The following SPEN variants were observed in gnomAD, a reference collection of about 807,000 sequenced individuals.
SPEN encodes the protein msx2-interacting protein.
In SPEN, 18 loss-of-function variants were observed where a neutral mutation model predicts 269.9. The ratio of observed to expected loss-of-function variants is 0.07; its 90% CI spans 0.05 to 0.10. The LOEUF (loss-of-function observed/expected upper bound fraction) is 0.10. Among genes scored for constraint, SPEN ranks in the 10% least tolerant of loss-of-function variants. The pLI is 1.00. For synonymous variants in SPEN, 1,726 were observed against 1,765.7 expected (o/e 0.98, Z 0.56); for missense variants, 3,822 against 4,631.2 (o/e 0.83, Z 5.07).
chr1:15,900,020 A>G (rs897273509), intron 3 of SPEN, among the ~76,000 whole-genome samples: 2 of 151,522 alleles, frequency 1.3e-5, no homozygotes, highest in Admixed American at 1.3e-4. Context: ...TAATTTTTGT[A>G]TTGTTAGTAG....
At chr1:15,860,563 A>G (rs1159101095) in intron 1 of SPEN, among the ~76,000 whole-genome samples, 1 of 150,012 alleles carries the variant, frequency 6.7e-6, no homozygotes, top group Non-Finnish European at 1.5e-5. Context: ...AAGTGCTGGG[A>G]TTACAGGTGT....
rs1023242507 is a variant in SPEN at position 15,938,005 on chromosome 1, C to T, written c.10703C>T (p.Thr3568Met). Reference sequence around the variant, plus strand: ...CTGGAAGGGGTTGCCCGAAGGATGACGGTAAGACTCTCAGGCCCAGGTGAG... The same window carrying T: ...CTGGAAGGGGTTGCCCGAAGGATGATGGTAAGACTCTCAGGCCCAGGTGAG... The part of the protein sequence containing the change: ...TQLEGVARRM[T>M]VETDYCLLLA... The change falls in exon 13 of 15, where the codon ACG (threonine) becomes ATG (methionine). Residue 3568 changes from threonine to methionine, a missense_variant and splice_region_variant. Transcript: ENST00000375759. 32 of 1,600,034 alleles carry T rather than the reference C, an allele frequency of 2.0e-5. No homozygotes were observed. Among genetic ancestry groups the T allele is most frequent in the Admixed American group, 1.8e-4 (10 of 56,482 alleles).
Position 15,931,582 on chromosome 1 carries a change from C to G in SPEN, c.5342C>G (p.Ala1781Gly), listed in dbSNP as rs758763601. The change falls in exon 11 of 15, where the codon GCA (alanine) becomes GGA (glycine). Residue 1781 changes from alanine (A) to glycine (G), a missense_variant. Physicochemically the swap from Ala to Gly is moderately conservative, Grantham distance 60. Around this residue, in one of 16 missense-constraint regions of SPEN, gnomAD observed 533 missense variants for 618.8 expected, o/e 0.86. Coordinates refer to ENST00000375759, the MANE Select transcript of SPEN (RefSeq NM_015001.3). The surrounding 1 kb of genome is among the most constrained non-coding windows in gnomAD (Gnocchi z 4.8). The part of the protein sequence containing the change: ...EPKAEKPDAT[A>G]DAEPDANQKA... ...AAGGCCGAAAAGCCAGACGCCACTG[C>G]AGATGCTGAGCCTGATGCAAACCAG... The G allele has an allele frequency of 6.2e-7, 1 of 1,614,180 alleles. No homozygotes were observed. The highest frequency in any genetic ancestry group is 1.1e-5 in the South Asian group (1 of 91,076).
rs2148712232 is a variant in SPEN at position 15,876,621 on chromosome 1, G to C, written c.824G>C (p.Arg275Thr). Residue 275 changes from arginine (R) to threonine (T), a missense_variant, in exon 3 of 15, where the codon AGA (arginine) becomes ACA (threonine). Physicochemically the swap from Arg to Thr is moderately conservative, Grantham distance 71. This residue lies in a region of SPEN where 327 missense variants were observed against 350.8 expected (regional missense o/e 0.93). Coordinates refer to ENST00000375759, the MANE Select transcript of SPEN (RefSeq NM_015001.3). Reference protein sequence around the residue: ...PTRSPSGSGSRSRSSSSDSIS... With the variant: ...PTRSPSGSGSTSRSSSSDSIS... Reference sequence around the variant, plus strand: ...AGGTCCCCTAGCGGCAGCGGCTCTAGAAGTAGATCCTCCAGTAGTGATTCA... The same window carrying C: ...AGGTCCCCTAGCGGCAGCGGCTCTACAAGTAGATCCTCCAGTAGTGATTCA... 1 of 1,613,910 alleles carries C rather than the reference G, an allele frequency of 6.2e-7. No homozygotes were observed. The highest frequency in any genetic ancestry group is 2.2e-5 in the East Asian group (1 of 44,876).
In SPEN at chr1:15,929,435, C is replaced by T. The variant is rs769315069; in HGVS notation, c.3195C>T (p.Asp1065=). Residue 1065 remains aspartate (D), a synonymous_variant, in exon 11 of 15, where the codon GAC becomes GAT. Transcript: ENST00000375759. The surrounding 1 kb of genome is among the most constrained non-coding windows in gnomAD (Gnocchi z 5.8). The part of the protein sequence containing the change: ...DRLNTVASPK[D]CQELASISVG... Reference sequence around the variant, plus strand: ...TTAATACTGTTGCCAGCCCCAAAGACTGTCAGGAGCTTGCCAGTATTTCTG... The same window carrying T: ...TTAATACTGTTGCCAGCCCCAAAGATTGTCAGGAGCTTGCCAGTATTTCTG... 2 of 1,613,662 alleles carry T rather than the reference C, an allele frequency of 1.2e-6. No homozygotes were observed. Among genetic ancestry groups the T allele is most frequent in the South Asian group, 2.2e-5 (2 of 91,022 alleles).
Position 15,935,727 on chromosome 1 carries a change from C to G in SPEN, c.9487C>G (p.His3163Asp). 1.2e-6 allele frequency: 2 copies of G among 1,613,348 alleles called. No homozygotes were observed. The highest frequency in any genetic ancestry group is 2.2e-5 in the South Asian group (2 of 91,062). The change falls in exon 11 of 15, where the codon CAC becomes GAC. Residue 3163 changes from histidine (H) to aspartate (D), a missense_variant. By Grantham distance (81) the His-to-Asp change is moderately conservative. Around this residue, in one of 16 missense-constraint regions of SPEN, gnomAD observed 153 missense variants for 228.5 expected, o/e 0.67. Transcript: ENST00000375759. This position sits in a 1 kb window ranked among gnomAD's most constrained non-coding sequence, Gnocchi z 7.7. ...CCCTCCCGAGGAGGAAGTGCATTAT[C>G]ACCTTCCTGTCGCTCGAGCCACAGC... The part of the protein sequence containing the change: ...QHPPEEEVHY[H>D]LPVARATAPV...
At chr1:15,889,775 G>A (rs1245282545) in intron 3 of SPEN, among the ~76,000 whole-genome samples, 1 of 151,822 alleles carries the variant, frequency 6.6e-6, no homozygotes, top group Non-Finnish European at 1.5e-5. Context: ...GAGCAATGGC[G>A]CCATCTTGGC....
intron 3 of SPEN, among the ~76,000 whole-genome samples, chr1:15,884,660 T>G (rs1255005633): frequency 6.6e-6 from 1 of 152,186 alleles, no homozygotes; most frequent in African/African-American, 2.4e-5. Context: ...CTGCCAGACA[T>G]AGCAGCAGTT....
At chr1:15,851,082 AG>A (rs1193787785) in intron 1 of SPEN, among the ~76,000 whole-genome samples, 1 of 151,988 alleles carries the variant, frequency 6.6e-6, no homozygotes, top group South Asian at 2.1e-4. Flanking sequence ...ACATTTTAAC[AG>A]AAAAAAGAGG....
rs2071290838 is a variant in SPEN, at chr1:15,937,736, T to C, written c.10510-76T>C. 4 of 1,607,224 alleles carry C rather than the reference T, an allele frequency of 2.5e-6. No individual in the cohort carries two copies. In the South Asian group the frequency reaches 4.4e-5, roughly 18 times the overall value. On this transcript the variant is annotated intron_variant, in intron 12 of 14. Coordinates refer to ENST00000375759, the MANE Select transcript of SPEN (RefSeq NM_015001.3). This position sits in a 1 kb window ranked among gnomAD's most constrained non-coding sequence, Gnocchi z 5.7. ...TTCCCTAGTTAACAGACCCACAAGC[T>C]ACAGCCTCTGGCTGTGTCCAGCATG...
At chr1:15,871,204 A>G (rs1260794774) in intron 1 of SPEN, among the ~76,000 whole-genome samples, 1 of 152,068 alleles carries the variant, frequency 6.6e-6, no homozygotes, top group Non-Finnish European at 1.5e-5. Flanking sequence ...TCCTGACCTC[A>G]TGGTCTGCCT....
rs761074906 is a variant in SPEN at position 15,935,985 on chromosome 1, C to T, written c.9745C>T (p.Pro3249Ser). 1 of 1,590,528 alleles carries T rather than the reference C, an allele frequency of 6.3e-7. No individual in the cohort carries two copies. Among genetic ancestry groups the T allele is most frequent in the South Asian group, 1.1e-5 (1 of 88,006 alleles). The change falls in exon 11 of 15, where the codon CCC (proline) becomes TCC (serine). Residue 3249 changes from proline (P) to serine (S), a missense_variant. Around this residue, in one of 16 missense-constraint regions of SPEN, gnomAD observed 359 missense variants for 377.3 expected, o/e 0.95. Coordinates refer to ENST00000375759, the MANE Select transcript of SPEN (RefSeq NM_015001.3). This position sits in a 1 kb window ranked among gnomAD's most constrained non-coding sequence, Gnocchi z 7.7. ...AGCTGCCCCCACCCCCACCCCTGCC[C>T]CCGTCCCTGTCCCTGTCCCCCTTCC... ...AKAAPTPTPA[P>S]VPVPVPLPAP...
Position 15,930,371 on chromosome 1 carries a change from G to A in SPEN, c.4131G>A (p.Glu1377=), listed in dbSNP as rs2071209380. 1 of 1,613,250 alleles carries A rather than the reference G, an allele frequency of 6.2e-7. No individual in the cohort carries two copies. The highest frequency in any genetic ancestry group is 1.7e-5 in the Admixed American group (1 of 59,990). Residue 1377 remains glutamate, a synonymous_variant, in exon 11 of 15, where the codon GAG becomes GAA. Transcript: ENST00000375759. This position sits in a 1 kb window ranked among gnomAD's most constrained non-coding sequence, Gnocchi z 5.3. ...CTGTACGAGATCTGGAACCTGGTGA[G>A]GTGCCTTCTGATTCTGACGAAGATG... ...KRSVRDLEPG[E]VPSDSDEDGE...
At chr1:15,882,467 C>T (rs1464131401) in intron 3 of SPEN, among the ~76,000 whole-genome samples, 4 of 152,052 alleles carry the variant, frequency 2.6e-5, no homozygotes, top group Non-Finnish European at 1.5e-5. Flanking sequence ...CAAGATCAGC[C>T]TGGCCAAGAT....
At position 15,932,988 on chromosome 1, in the gene SPEN, C is replaced by G. The variant is rs771038320; in HGVS notation, c.6748C>G (p.Pro2250Ala). 1.9e-6 allele frequency: 3 copies of G among 1,614,082 alleles called. No individual in the cohort carries two copies. The highest frequency in any genetic ancestry group is 2.5e-6 in the Non-Finnish European group (3 of 1,180,032). ...AGAATCCCAGACAGATCTGCAACCC[C>G]CCGCAGGTGCACAGGCGCTGCAGCC... is the stretch of plus-strand genomic sequence containing the variant. ...PGESQTDLQPPAGAQALQPSE... is the reference protein window; with the variant it reads ...PGESQTDLQPAAGAQALQPSE... The change falls in exon 11 of 15, where the codon CCC becomes GCC. Residue 2250 changes from proline (P) to alanine (A), a missense_variant. This residue lies in a region of SPEN where 727 missense variants were observed against 737.9 expected (regional missense o/e 0.99). Transcript: ENST00000375759. This position sits in a 1 kb window ranked among gnomAD's most constrained non-coding sequence, Gnocchi z 4.2.
intron 1 of SPEN, among the ~76,000 whole-genome samples, chr1:15,856,235 C>T (rs1045609745): frequency 6.6e-6 from 1 of 151,848 alleles, no homozygotes; most frequent in African/African-American, 2.4e-5. Context: ...CAGGATCCGC[C>T]CGCCTCGGCC....
At position 15,856,757 on chromosome 1, in the gene SPEN, G is replaced by A. The variant is rs367646372; in HGVS notation, c.83+8607G>A. Among the ~76,000 whole-genome samples, 4 of 151,470 alleles carry A rather than the reference G, an allele frequency of 2.6e-5. No individual in the cohort carries two copies. In the East Asian group the frequency reaches 5.9e-4, roughly 22 times the overall value. On this transcript the variant is annotated intron_variant, in intron 1 of 14. Transcript: ENST00000375759. ...TAATTTTTGTGTTTTTAATAGAGAC[G>A]GGGTTTCACCATGTTGGCTAGGCTG...
Position 15,848,065 on chromosome 1 carries a change from A to G in SPEN, c.-3A>G, listed in dbSNP as rs763153484. The G allele has an allele frequency of 8.9e-5, 129 of 1,449,254 alleles. No homozygotes were observed. Among genetic ancestry groups the G allele is most frequent in the Non-Finnish European group, 1.1e-4 (120 of 1,087,126 alleles). 89.8% of individuals were successfully genotyped at this position (1,449,254 alleles called of 1,614,324 possible). ...AGCGGCGGTCGCCGGCACGCCGCCC[A>G]GCATGGTCCGGGAAACCAGGCATCT... is the stretch of plus-strand genomic sequence containing the variant. On this transcript the variant is annotated 5_prime_UTR_variant, in exon 1 of 15. Coordinates refer to ENST00000375759, the MANE Select transcript of SPEN (RefSeq NM_015001.3). This position sits in a 1 kb window ranked among gnomAD's most constrained non-coding sequence, Gnocchi z 5.1.
Position 15,847,936 on chromosome 1 carries a change from C to A in SPEN, c.-132C>A. On this transcript the variant is annotated 5_prime_UTR_variant, in exon 1 of 15. Transcript: ENST00000375759. ...CTGCACGGGGGGGAGCCGGAGGAGC[C>A]GCCGCCGCTGCCGACGCCACCGCCG... The A allele has an allele frequency of 1.8e-5, 7 of 385,896 alleles. No individual in the cohort carries two copies. The highest frequency in any genetic ancestry group is 2.6e-5 in the Non-Finnish European group (6 of 227,760). The allele number at this position is 385,896 out of a possible 1,614,324, so 23.9% of individuals were successfully genotyped here.
Sources: allele counts gnomAD v4.1 joint callset (sites outside exome capture counted in the v4.1 genomes callset), GRCh38; gene constraint gnomAD v4.1.1; regional missense constraint gnomAD v4.1.1; non-coding constraint Gnocchi (gnomAD v3.1); transcripts MANE v1.5; gene names NCBI Gene and HGNC (gene_info 2026-07-23, HGNC 2026-07-21).